Variants in LPP observed in about 807,000 individuals in gnomAD.
LPP encodes lipoma-preferred partner.
In LPP, 38 loss-of-function variants were observed where a neutral mutation model predicts 60.4. That is an observed-to-expected ratio of 0.63 (90% confidence interval 0.49 to 0.83). The LOEUF is 0.83. Among genes scored for constraint, LPP ranks in the 40% least tolerant of loss-of-function variants. The pLI is 0.00. For synonymous variants in LPP, 328 were observed against 290.8 expected, an observed-to-expected ratio of 1.13 and a Z score of -1.30; for missense variants, 902 against 783.6, an observed-to-expected ratio of 1.15 and a Z score of -1.80.
chr3:188,368,162 A>G (rs915844605), intron 3 of LPP, among the ~76,000 whole-genome samples: 1 of 152,200 alleles, frequency 6.6e-6, no homozygotes, highest in Non-Finnish European at 1.5e-5. Flanking sequence ...CGGCCAAACC[A>G]ATTTTGTGAA....
At chr3:188,187,452 A>G (rs1363558613) in intron 1 of LPP, among the ~76,000 whole-genome samples, 2 of 152,046 alleles carry the variant, frequency 1.3e-5, no homozygotes, top group African/African-American at 4.8e-5. Flanking sequence ...TAGTAAATAG[A>G]TAATAAATAA....
chr3:188,832,891 C>T (rs560756455), intron 9 of LPP, among the ~76,000 whole-genome samples: 1 of 152,328 alleles, frequency 6.6e-6, no homozygotes, highest in African/African-American at 2.4e-5. Flanking sequence ...GCCATTCTAA[C>T]AGTTGCAAGT....
At chr3:188,416,216 T>C (rs1412667657) in intron 4 of LPP, among the ~76,000 whole-genome samples, 1 of 152,192 alleles carries the variant, frequency 6.6e-6, no homozygotes. Context: ...CATGATACTT[T>C]GAAAGATCAC....
At chr3:188,466,624 TGATAATACCTTC>T (rs1475579686) in intron 4 of LPP, among the ~76,000 whole-genome samples, 1 of 151,646 alleles carries the variant, frequency 6.6e-6, no homozygotes, top group Non-Finnish European at 1.5e-5. Flanking sequence ...AAATACCTAT[TGATAATACCTTC>T]GTTAATATGG....
At chr3:188,403,326 T>C (rs1393242721) in intron 3 of LPP, among the ~76,000 whole-genome samples, 4 of 152,236 alleles carry the variant, frequency 2.6e-5, no homozygotes, top group African/African-American at 9.6e-5. Context: ...AACTTGGGAT[T>C]ACTATGAAAA....
Position 188,359,239 on chromosome 3 carries a change from C to T in LPP, c.-10+17520C>T, listed in dbSNP as rs138501270. Among the ~76,000 whole-genome samples, 8 of 152,290 alleles carry T rather than the reference C, an allele frequency of 5.3e-5. No individual in the cohort carries two copies. The East Asian group carries it at 1.4e-3, about 26-fold the overall frequency. On this transcript the variant is annotated intron_variant, in intron 3 of 11. Coordinates refer to ENST00000617246, the MANE Select transcript of LPP (RefSeq NM_001375462.1). ...TTGAAAGAAGTTAGAGCACGTTTGCCTATAGAAATTGTTATGTGTCAGTTA... is the reference window on the plus strand; with the variant it reads ...TTGAAAGAAGTTAGAGCACGTTTGCTTATAGAAATTGTTATGTGTCAGTTA...
intron 1 of LPP, among the ~76,000 whole-genome samples, chr3:188,187,642 T>G (rs2148964488): frequency 6.6e-6 from 1 of 152,222 alleles, no homozygotes; most frequent in South Asian, 2.1e-4. Context: ...TATTTTGGAC[T>G]GGTTTCTCCA....
chr3:188,429,678 T>C (rs2149133329), intron 4 of LPP, among the ~76,000 whole-genome samples: 1 of 152,296 alleles, frequency 6.6e-6, no homozygotes, highest in Non-Finnish European at 1.5e-5. Context: ...CCTTTCATAA[T>C]AGAGATATGT....
chr3:188,307,164 T>C (rs1751800051), intron 2 of LPP, among the ~76,000 whole-genome samples: 1 of 152,200 alleles, frequency 6.6e-6, no homozygotes, highest in Non-Finnish European at 1.5e-5. Context: ...ATTATCCCAT[T>C]TTACAGACGT....
At chr3:188,336,399 GCTC>G (rs1761642596) in intron 2 of LPP, among the ~76,000 whole-genome samples, 1 of 152,136 alleles carries the variant, frequency 6.6e-6, no homozygotes, top group Non-Finnish European at 1.5e-5. Flanking sequence ...GCTGTGAGTG[GCTC>G]AACTCCAGGA....
In LPP at chr3:188,599,889, T is replaced by A. The variant is rs1484253961; in HGVS notation, c.430-9272T>A. 2.0e-5 allele frequency among the ~76,000 whole-genome samples: 3 copies of A among 151,910 alleles called. No homozygotes were observed. In the East Asian group the frequency reaches 5.8e-4, roughly 29 times the overall value. On this transcript the variant is annotated intron_variant, in intron 6 of 11. Transcript: ENST00000617246. ...GGTGGCACCAACTAAAATTGTGTGA[T>A]TTTTATTTCGTGCATAATATTTGAG...
intron 2 of LPP, among the ~76,000 whole-genome samples, chr3:188,340,268 T>C (rs1175998443): frequency 6.6e-6 from 1 of 152,144 alleles, no homozygotes; most frequent in Non-Finnish European, 1.5e-5. Flanking sequence ...ATAAAGGGAA[T>C]GGTTTGAGAC....
intron 6 of LPP, among the ~76,000 whole-genome samples, chr3:188,559,629 A>G (rs1830230352): frequency 6.6e-6 from 1 of 151,906 alleles, no homozygotes; most frequent in Admixed American, 6.6e-5. Flanking sequence ...GGAAGACAAG[A>G]CCTGATGTTA....
chr3:188,173,829 A>G (rs1722309901), intron 1 of LPP, among the ~76,000 whole-genome samples: 2 of 152,196 alleles, frequency 1.3e-5, no homozygotes, highest in Non-Finnish European at 2.9e-5. Flanking sequence ...TCAGAAAAGG[A>G]TCTTCAAGAT....
chr3:188,665,846 A>G (rs1189152544), intron 7 of LPP, among the ~76,000 whole-genome samples: 1 of 152,204 alleles, frequency 6.6e-6, no homozygotes, highest in East Asian at 1.9e-4. Context: ...AACATCAGTC[A>G]GTTTTGTTAA....
intron 5 of LPP, among the ~76,000 whole-genome samples, chr3:188,504,725 C>A (rs977864147): frequency 6.6e-6 from 1 of 151,162 alleles, no homozygotes; most frequent in African/African-American, 2.4e-5. Context: ...CTCATTTCCT[C>A]TGTTGTTTTC....
intron 7 of LPP, among the ~76,000 whole-genome samples, chr3:188,622,577 G>T (rs1381271245): frequency 1.3e-5 from 2 of 151,872 alleles, no homozygotes; most frequent in Non-Finnish European, 2.9e-5. Flanking sequence ...TTTAAGTTTT[G>T]ATTTCAATAA....
chr3:188,579,431 A>G (rs1835529870), intron 6 of LPP, among the ~76,000 whole-genome samples: 1 of 152,236 alleles, frequency 6.6e-6, no homozygotes. Flanking sequence ...TAAGGGTGTC[A>G]TATTAAGGTC....
intron 2 of LPP, among the ~76,000 whole-genome samples, chr3:188,320,888 G>C (rs1047592235): frequency 1.3e-5 from 2 of 152,140 alleles, no homozygotes; most frequent in African/African-American, 4.8e-5. Flanking sequence ...AAAGTTTGAG[G>C]GTAAAATCTC....
Sources: allele counts gnomAD v4.1 joint callset (sites outside exome capture counted in the v4.1 genomes callset), GRCh38; gene constraint gnomAD v4.1.1; transcripts MANE v1.5; gene names NCBI Gene and HGNC (gene_info 2026-07-23, HGNC 2026-07-21).